The following DHX57 variants were observed in gnomAD, a reference collection of about 807,000 sequenced individuals.
DHX57 encodes DExH-box helicase 57.
DHX57 carries 105 observed loss-of-function variants against 156.2 expected under a neutral mutation model. That is an observed-to-expected ratio of 0.67 (90% CI 0.57 to 0.79). The LOEUF is 0.79. DHX57 is among the 30% of genes least tolerant of loss of function. The pLI is 0.00. For missense variants in DHX57, 1,847 were observed against 1,661.9 expected, an observed-to-expected ratio of 1.11 and a Z score of -1.94; for synonymous variants, 704 against 595.6, an observed-to-expected ratio of 1.18 and a Z score of -2.65.
chr2:38,860,900 T>A lies in DHX57; in HGVS notation c.1411+99A>T, dbSNP rs1480393045. 1.8e-5 allele frequency: 19 copies of A among 1,061,178 alleles called. No individual in the cohort carries two copies. In the Admixed American group the frequency reaches 3.5e-4, roughly 20 times the overall value. The allele number at this position is 1,061,178 out of a possible 1,614,324, so 65.7% of individuals were successfully genotyped here. On this transcript the variant is annotated intron_variant, in intron 5 of 23. Transcript: ENST00000457308. Reference sequence around the variant, plus strand: ...GGGACTTAATGGCTTGTTCAGCTTGTTCAAGATCACTAAGCCATCCTAGAC... The same window carrying A: ...GGGACTTAATGGCTTGTTCAGCTTGATCAAGATCACTAAGCCATCCTAGAC...
intron 13 of DHX57, among the ~76,000 whole-genome samples, chr2:38,832,251 C>A (rs1287885720): frequency 6.6e-6 from 1 of 151,994 alleles, no homozygotes; most frequent in Non-Finnish European, 1.5e-5. Flanking sequence ...ACCAGCTTGG[C>A]CAACACTGTG....
intron 9 of DHX57, among the ~76,000 whole-genome samples, chr2:38,850,641 C>G (rs547749751): frequency 6.6e-6 from 1 of 152,146 alleles, no homozygotes; most frequent in Non-Finnish European, 1.5e-5. Flanking sequence ...CTACTTAGCT[C>G]TTTTTAATGA....
rs1324877962 is a variant in DHX57, at chr2:38,861,327, T to C, written c.1083A>G (p.Lys361=). The C allele has an allele frequency of 1.2e-6, 2 of 1,613,688 alleles. No homozygotes were observed. Among genetic ancestry groups the C allele is most frequent in the Admixed American group, 1.7e-5 (1 of 59,894 alleles). ...GAGCTTGGTAGGGATATTTGTGGTC[T>C]TTAGAAAATCGAATTTCAAGTTCAT... is the stretch of plus-strand genomic sequence containing the variant. ...FLYELEIRFS[K]DHKYPYQAPL... is the part of the protein sequence containing the mutation. The change falls in exon 5 of 24, where the codon AAA becomes AAG. Residue 361 remains lysine, a synonymous_variant. Coordinates refer to ENST00000457308, the MANE Select transcript of DHX57 (RefSeq NM_198963.3).
chr2:38,830,374 T>C (rs950478102), intron 13 of DHX57, among the ~76,000 whole-genome samples: 6 of 152,182 alleles, frequency 3.9e-5, no homozygotes, highest in African/African-American at 1.4e-4. Flanking sequence ...AGGCCTGTAA[T>C]CCCAGCACTT....
intron 23 of DHX57, among the ~76,000 whole-genome samples, chr2:38,802,125 C>A (rs1456206723): frequency 6.6e-6 from 1 of 152,006 alleles, no homozygotes; most frequent in African/African-American, 2.4e-5. Flanking sequence ...AAGGAAGGTC[C>A]AGCACCCTCA....
chr2:38,817,511 T>C (rs997845652), intron 19 of DHX57, among the ~76,000 whole-genome samples: 10 of 151,164 alleles, frequency 6.6e-5, no homozygotes, highest in African/African-American at 1.9e-4. Flanking sequence ...AGATGGAGTT[T>C]TGCTATGTTG....
At position 38,848,316 on chromosome 2, in the gene DHX57, T is replaced by G; in HGVS notation, c.2117A>C (p.Glu706Ala). 6.2e-7 allele frequency: 1 copy of G among 1,610,666 alleles called. No homozygotes were observed. The highest frequency in any genetic ancestry group is 8.5e-7 in the Non-Finnish European group (1 of 1,178,652). The part of the protein sequence containing the change: ...VILMSATLNA[E>A]LFSDYFNSCP... ...GGAATTAAAATAGTCTGAAAAAAGC[T>G]CAGCGTTTAGAGTTGCACTCATTAA... The change falls in exon 10 of 24, where the codon GAG becomes GCG. Residue 706 changes from glutamate (E) to alanine (A), a missense_variant. Transcript: ENST00000457308.
At chr2:38,805,561 G>T (rs1979142) in intron 22 of DHX57, among the ~76,000 whole-genome samples, 3 of 151,940 alleles carry the variant, frequency 2.0e-5, no homozygotes, top group East Asian at 3.9e-4. Flanking sequence ...AAGTGGCAGT[G>T]GGGATAAAAG....
chr2:38,806,154 A>T (rs947764360), intron 22 of DHX57, among the ~76,000 whole-genome samples: 1 of 152,194 alleles, frequency 6.6e-6, no homozygotes, highest in Non-Finnish European at 1.5e-5. Flanking sequence ...CTAAGAAGTT[A>T]TTTGTTACTT....
At chr2:38,863,594 GA>G (rs1673355221) in intron 2 of DHX57, 75 bp from the exon 3 acceptor site, 1 of 1,363,910 alleles carries the variant, frequency 7.3e-7, no homozygotes, top group South Asian at 1.4e-5. Context: ...GGGGTCCCCA[GA>G]TATACACAAT....
At position 38,861,365 on chromosome 2, in the gene DHX57, C is replaced by A; in HGVS notation, c.1045G>T (p.Ala349Ser). ...DDSHLNAIED[A>S]SFLYELEIRF... is the part of the protein sequence containing the mutation. ...ATTTCAAGTTCATATAAAAAAGATG[C>A]ATCTTCAATAGCATTAAGATGAGAA... The change falls in exon 5 of 24, where the codon GCA (alanine) becomes TCA (serine). Residue 349 changes from alanine to serine, a missense_variant. Coordinates refer to ENST00000457308, the MANE Select transcript of DHX57 (RefSeq NM_198963.3). The A allele has an allele frequency of 1.2e-6, 2 of 1,613,620 alleles. No individual in the cohort carries two copies. Among genetic ancestry groups the A allele is most frequent in the East Asian group, 2.2e-5 (1 of 44,872 alleles).
intron 13 of DHX57, among the ~76,000 whole-genome samples, chr2:38,834,774 T>A (rs1201741680): frequency 6.6e-6 from 1 of 152,174 alleles, no homozygotes; most frequent in Non-Finnish European, 1.5e-5. Context: ...CATTTCCAGA[T>A]AAATGAATCC....
chr2:38,835,030 T>A lies in DHX57; in HGVS notation c.2542+2801A>T, dbSNP rs1184144616. On this transcript the variant is annotated intron_variant, in intron 13 of 23. Coordinates refer to ENST00000457308, the MANE Select transcript of DHX57 (RefSeq NM_198963.3). ...GAAATTTAATGCCAGCAAAGGATAG[T>A]TTGACAATTTTAGAAAGAGGTTTGG... Among the ~76,000 whole-genome samples, 4 of 152,278 alleles carry A rather than the reference T, an allele frequency of 2.6e-5. No individual in the cohort carries two copies. In the East Asian group the frequency reaches 5.8e-4, roughly 22 times the overall value.
chr2:38,838,954 C>CA (rs1183354130), intron 12 of DHX57, among the ~76,000 whole-genome samples: 10 of 151,936 alleles, frequency 6.6e-5, no homozygotes, highest in Non-Finnish European at 1.2e-4. Flanking sequence ...ATTTTTGAGA[C>CA]AGAGTCTTGC....
intron 12 of DHX57, among the ~76,000 whole-genome samples, chr2:38,839,390 T>C (rs546621610): frequency 6.6e-6 from 1 of 151,986 alleles, no homozygotes; most frequent in African/African-American, 2.4e-5. Context: ...AAACTTCCTA[T>C]ATGATGCTGA....
At chr2:38,874,622 G>A (rs62142713) in intron 1 of DHX57, among the ~76,000 whole-genome samples, 7,281 of 151,734 alleles carry the variant, frequency 0.048, 282 homozygotes, top group Non-Finnish European at 0.073. Context: ...TGTTAGCCAG[G>A]ATGGTCTCGA....
chr2:38,862,934 G>C (rs953539406), intron 3 of DHX57: 1 of 156,878 alleles, frequency 6.4e-6, no homozygotes, highest in Non-Finnish European at 1.4e-5. Context: ...CAAAAGAGCC[G>C]AAATGCAGTA....
chr2:38,813,705 G>T, intron 21 of DHX57, 116 bp downstream of exon 21: 1 of 1,198,052 alleles, frequency 8.3e-7, no homozygotes. Flanking sequence ...GGGTGTGCGT[G>T]TGTGCACACA....
intron 12 of DHX57, chr2:38,838,755 G>A (rs1346717730): frequency 8.8e-6 from 4 of 455,372 alleles, no homozygotes; most frequent in East Asian, 1.4e-4. Context: ...TTGAGAAAAT[G>A]ATAAGTGGTT....
Sources: allele counts gnomAD v4.1 joint callset (sites outside exome capture counted in the v4.1 genomes callset), GRCh38; gene constraint gnomAD v4.1.1; transcripts MANE v1.5; gene names NCBI Gene and HGNC (gene_info 2026-07-23, HGNC 2026-07-21).